Variants in SSBP2 observed in about 807,000 individuals in gnomAD.
The protein encoded by SSBP2 is single stranded DNA binding protein 2, also known as single-stranded DNA-binding protein 2.
A neutral mutation model predicts 61.8 loss-of-function variants in SSBP2; 17 were observed. The observed-to-expected ratio is 0.28, with a 90% CI of 0.19 to 0.41. The LOEUF is 0.41. SSBP2 is among the 10% of genes least tolerant of loss of function. The pLI, the probability that SSBP2 is intolerant of heterozygous loss-of-function variation, is 1.00. For synonymous variants in SSBP2, 139 were observed against 141.3 expected, an observed-to-expected ratio of 0.98 and a Z score of 0.12; for missense variants, 310 against 458.7, an observed-to-expected ratio of 0.68 and a Z score of 2.96.
At chr5:81,700,317 T>G (rs411990) in intron 1 of SSBP2, among the ~76,000 whole-genome samples, 71,726 of 151,990 alleles carry the variant, frequency 0.47, 17,558 homozygotes, top group Middle Eastern at 0.69. Context: ...AAGAAAGAAA[T>G]AGTCTTTCCT....
Position 81,483,859 on chromosome 5 carries a change from C to A in SSBP2, c.432+5391G>T, listed in dbSNP as rs533340553. ...CAAATTAAAAGCTCTTTACCACATGCAGCAATTTAAATTTAATTAAAATTA... is the reference window on the plus strand; with the variant it reads ...CAAATTAAAAGCTCTTTACCACATGAAGCAATTTAAATTTAATTAAAATTA... On this transcript the variant is annotated intron_variant, in intron 6 of 16. Transcript: ENST00000320672. 2.5e-3 allele frequency among the ~76,000 whole-genome samples: 376 copies of A among 152,080 alleles called. 2 individuals carry two copies. Among genetic ancestry groups the A allele is most frequent in the African/African-American group, 8.5e-3 (353 of 41,522 alleles).
chr5:81,504,961 AC>A (rs1280001816), intron 5 of SSBP2, among the ~76,000 whole-genome samples: 3 of 152,146 alleles, frequency 2.0e-5, no homozygotes, highest in Non-Finnish European at 1.5e-5. Context: ...CATACTCCCT[AC>A]CCCCAAGAAT....
chr5:81,653,242 C>T (rs1749909814), intron 1 of SSBP2, among the ~76,000 whole-genome samples: 1 of 152,122 alleles, frequency 6.6e-6, no homozygotes. Context: ...ATGATGGCTT[C>T]CAGCTTCAAC....
At chr5:81,630,116 A>G (rs1747560752) in intron 3 of SSBP2, among the ~76,000 whole-genome samples, 2 of 152,234 alleles carry the variant, frequency 1.3e-5, no homozygotes, top group African/African-American at 4.8e-5. Context: ...TCCATCCAGC[A>G]GGGACTCTTA....
At chr5:81,488,058 T>TAA (rs1443476311) in intron 6 of SSBP2, among the ~76,000 whole-genome samples, 10 of 83,176 alleles carry the variant, frequency 1.2e-4, no homozygotes, top group South Asian at 3.9e-4. Context: ...TATATATATA[T>TAA]AAATAAAATA....
chr5:81,553,367 A>G (rs1355853557), intron 4 of SSBP2, among the ~76,000 whole-genome samples: 1 of 152,278 alleles, frequency 6.6e-6, no homozygotes, highest in East Asian at 1.9e-4. Context: ...TTATTTTATA[A>G]GGGAAATAGC....
intron 1 of SSBP2, among the ~76,000 whole-genome samples, chr5:81,732,506 T>C (rs1285485938): frequency 1.3e-5 from 2 of 152,220 alleles, no homozygotes; most frequent in African/African-American, 4.8e-5. Flanking sequence ...TCAAACTTAA[T>C]TTTTTTACCT....
chr5:81,426,546 G>A (rs1214746985), intron 16 of SSBP2, among the ~76,000 whole-genome samples: 1 of 152,114 alleles, frequency 6.6e-6, no homozygotes, highest in Non-Finnish European at 1.5e-5. Context: ...AGAAGTTAGG[G>A]GTGGAAGAAG....
intron 1 of SSBP2, among the ~76,000 whole-genome samples, chr5:81,738,111 A>G (rs1391003524): frequency 6.6e-6 from 1 of 152,172 alleles, no homozygotes; most frequent in Admixed American, 6.5e-5. Context: ...TGGGCCATAC[A>G]TTAGTAGCAA....
chr5:81,442,740 C>T lies in SSBP2; in HGVS notation c.779-17G>A, dbSNP rs1317322271. The T allele has an allele frequency of 3.6e-6, 5 of 1,379,062 alleles. No individual in the cohort carries two copies. Among genetic ancestry groups the T allele is most frequent in the Non-Finnish European group, 5.0e-6 (5 of 991,012 alleles). The allele number at this position is 1,379,062 out of a possible 1,614,324, so 85.4% of individuals were successfully genotyped here. ...TGGTTGAATCTGAAACAAAATATTA[C>T]TTAATTAAAATATTTCTTTAGAGTC... On this transcript the variant is annotated splice_polypyrimidine_tract_variant and intron_variant, in intron 12 of 16. Transcript: ENST00000320672.
At chr5:81,618,036 C>G (rs1095612) in intron 3 of SSBP2, among the ~76,000 whole-genome samples, 1 of 106,100 alleles carries the variant, frequency 9.4e-6, no homozygotes, top group Admixed American at 1.0e-4. Context: ...AGGAAGAAAC[C>G]GCATCAACCA....
chr5:81,681,815 A>C (rs1356082519), intron 1 of SSBP2, among the ~76,000 whole-genome samples: 2 of 152,126 alleles, frequency 1.3e-5, no homozygotes, highest in Non-Finnish European at 1.5e-5. Context: ...AAAATTGATA[A>C]GCCTCTAGCA....
At chr5:81,641,212 T>C (rs183259679) in intron 2 of SSBP2, among the ~76,000 whole-genome samples, 1 of 152,184 alleles carries the variant, frequency 6.6e-6, no homozygotes, top group Admixed American at 6.5e-5. Flanking sequence ...CCACAGTCCA[T>C]CTCCAGCTGT....
chr5:81,522,474 C>T (rs1430168279), intron 4 of SSBP2, among the ~76,000 whole-genome samples: 2 of 152,036 alleles, frequency 1.3e-5, no homozygotes, highest in Non-Finnish European at 2.9e-5. Context: ...CACACACACA[C>T]AAACCCAGTT....
At chr5:81,427,489 G>C (rs183802780) in intron 16 of SSBP2, among the ~76,000 whole-genome samples, 16 of 152,220 alleles carry the variant, frequency 1.1e-4, no homozygotes, top group African/African-American at 3.1e-4. Flanking sequence ...AGAACTACAA[G>C]AATCCACAGA....
intron 4 of SSBP2, among the ~76,000 whole-genome samples, chr5:81,603,803 T>C (rs944919103): frequency 1.3e-5 from 2 of 152,152 alleles, no homozygotes; most frequent in Non-Finnish European, 2.9e-5. Context: ...TTAAATTTTA[T>C]AAAAAATAGT....
chr5:81,525,547 C>G (rs541624573), intron 4 of SSBP2, among the ~76,000 whole-genome samples: 1 of 152,140 alleles, frequency 6.6e-6, no homozygotes, highest in African/African-American at 2.4e-5. Context: ...TGCCACTGGA[C>G]TTCCATTTCC....
intron 16 of SSBP2, among the ~76,000 whole-genome samples, chr5:81,426,400 TTTTTCCTTTTACAAC>T (rs1377006782): frequency 1.3e-5 from 2 of 152,156 alleles, no homozygotes; most frequent in South Asian, 2.1e-4. Flanking sequence ...CATCAAATTA[TTTTTCCTTTTACAAC>T]ATTTCTGGTG....
intron 1 of SSBP2, among the ~76,000 whole-genome samples, chr5:81,745,580 G>A (rs1343994896): frequency 1.3e-5 from 2 of 152,030 alleles, no homozygotes; most frequent in Non-Finnish European, 2.9e-5. Flanking sequence ...TCACTAGCAT[G>A]CAAATATATA....
Sources: allele counts gnomAD v4.1 joint callset (sites outside exome capture counted in the v4.1 genomes callset), GRCh38; gene constraint gnomAD v4.1.1; transcripts MANE v1.5; gene names NCBI Gene and HGNC (gene_info 2026-07-23, HGNC 2026-07-21).